The following ZNF385D variants were observed in gnomAD, a reference collection of about 807,000 sequenced individuals.
ZNF385D encodes the protein zinc finger protein 385D.
Under a neutral mutation model 35.8 loss-of-function variants are expected in ZNF385D, and 15 were observed. The observed-to-expected ratio is 0.42, with a 90% confidence interval of 0.28 to 0.64. The LOEUF is 0.64. ZNF385D is among the 30% of genes least tolerant of loss of function. ZNF385D has a pLI of 0.23. For missense variants in ZNF385D, 474 were observed against 494.6 expected, an observed-to-expected ratio of 0.96 and a Z score of 0.39; for synonymous variants, 212 against 186.8, an observed-to-expected ratio of 1.13 and a Z score of -1.10.
intron 2 of ZNF385D, among the ~76,000 whole-genome samples, chr3:22,231,163 A>C (rs1422785320): frequency 2.6e-5 from 4 of 152,184 alleles, no homozygotes; most frequent in Non-Finnish European, 5.9e-5. Flanking sequence ...GAAATAGCCA[A>C]AAAGTGCAAT....
At chr3:21,830,255 C>T (rs1344294035) in intron 3 of ZNF385D, among the ~76,000 whole-genome samples, 2 of 152,304 alleles carry the variant, frequency 1.3e-5, no homozygotes, top group East Asian at 3.9e-4. Context: ...GTATTACTGG[C>T]ATGAGTATTT....
chr3:22,029,101 A>G (rs913129669), intron 3 of ZNF385D, among the ~76,000 whole-genome samples: 4 of 152,094 alleles, frequency 2.6e-5, no homozygotes, highest in African/African-American at 9.7e-5. Context: ...TTCCAGAGGG[A>G]GGAACGCTGC....
chr3:21,617,953 C>A (rs1575330587), intron 2 of ZNF385D, among the ~76,000 whole-genome samples: 1 of 152,040 alleles, frequency 6.6e-6, no homozygotes, highest in South Asian at 2.1e-4. Flanking sequence ...GAATTTAATT[C>A]TGAATTAACA....
chr3:22,322,094 G>A (rs936196484), intron 2 of ZNF385D, among the ~76,000 whole-genome samples: 6 of 152,024 alleles, frequency 3.9e-5, no homozygotes, highest in Admixed American at 3.9e-4. Flanking sequence ...ACTCTGATTA[G>A]TGATATATAC....
intron 2 of ZNF385D, among the ~76,000 whole-genome samples, chr3:22,329,965 C>T (rs548634663): frequency 1.3e-5 from 2 of 152,240 alleles, no homozygotes; most frequent in South Asian, 2.1e-4. Flanking sequence ...TGATTAGTAG[C>T]TGTCATAATA....
At chr3:21,489,689 C>A (rs953701681) in intron 4 of ZNF385D, among the ~76,000 whole-genome samples, 7 of 152,078 alleles carry the variant, frequency 4.6e-5, no homozygotes, top group Admixed American at 2.0e-4. Flanking sequence ...GTTTTTCCAG[C>A]TAGAGGCATT....
intron 3 of ZNF385D, among the ~76,000 whole-genome samples, chr3:21,810,128 C>A (rs1303180396): frequency 6.6e-6 from 1 of 151,880 alleles, no homozygotes; most frequent in African/African-American, 2.4e-5. Context: ...TGAAAACTGA[C>A]ACACAAATAA....
intron 3 of ZNF385D, among the ~76,000 whole-genome samples, chr3:22,070,355 G>A (rs1267201854): frequency 6.6e-6 from 1 of 152,112 alleles, no homozygotes; most frequent in Non-Finnish European, 1.5e-5. Context: ...AGAAACGGAT[G>A]CCTATGAAGT....
chr3:22,223,988 A>G (rs1698409456), intron 2 of ZNF385D, among the ~76,000 whole-genome samples: 1 of 152,142 alleles, frequency 6.6e-6, no homozygotes, highest in African/African-American at 2.4e-5. Flanking sequence ...TGCCTGGTTC[A>G]TAGAATAACT....
At chr3:21,517,637 C>A (rs13317601) in intron 3 of ZNF385D, among the ~76,000 whole-genome samples, 96,386 of 151,970 alleles carry the variant, frequency 0.63, 30,630 homozygotes, top group African/African-American at 0.7. Context: ...AGAGTTAATA[C>A]AACTAGGCTG....
intron 2 of ZNF385D, among the ~76,000 whole-genome samples, chr3:22,326,408 G>A (rs536566761): frequency 6.6e-6 from 1 of 152,302 alleles, no homozygotes; most frequent in South Asian, 2.1e-4. Context: ...GTGTGAGCCA[G>A]GGGTCTAGCC....
At chr3:21,878,107 C>T (rs1276051340) in intron 3 of ZNF385D, 4 of 151,976 alleles carry the variant, frequency 2.6e-5, no homozygotes, top group African/African-American at 9.7e-5. Context: ...GAACTGATGA[C>T]ATCTTAGGTT....
intron 3 of ZNF385D, among the ~76,000 whole-genome samples, chr3:21,927,239 G>A (rs1053144514): frequency 2.6e-5 from 4 of 151,904 alleles, no homozygotes; most frequent in Non-Finnish European, 5.9e-5. Flanking sequence ...CATGCTTCTT[G>A]TATAGCTTGC....
intron 3 of ZNF385D, among the ~76,000 whole-genome samples, chr3:22,024,483 C>T (rs898934688): frequency 6.6e-6 from 1 of 151,734 alleles, no homozygotes; most frequent in Admixed American, 6.6e-5. Flanking sequence ...TGATTAGACT[C>T]AAAAATGCTA....
chr3:21,581,624 T>C (rs893789234), intron 2 of ZNF385D, among the ~76,000 whole-genome samples: 1 of 152,188 alleles, frequency 6.6e-6, no homozygotes, highest in Non-Finnish European at 1.5e-5. Flanking sequence ...TGGTCCAAGA[T>C]ATAATTCTTG....
chr3:21,705,162 A>G (rs1448708666), intron 1 of ZNF385D, among the ~76,000 whole-genome samples: 1 of 152,242 alleles, frequency 6.6e-6, no homozygotes, highest in Non-Finnish European at 1.5e-5. Context: ...TTAAATTATT[A>G]TAAAATATTG....
chr3:21,602,272 A>G (rs940824638), intron 2 of ZNF385D, among the ~76,000 whole-genome samples: 1 of 152,060 alleles, frequency 6.6e-6, no homozygotes, highest in Non-Finnish European at 1.5e-5. Flanking sequence ...TCAAGGTGAG[A>G]TTTGGGTGGG....
At chr3:21,515,709 C>CTCA (rs1487575956) in intron 3 of ZNF385D, among the ~76,000 whole-genome samples, 3 of 152,204 alleles carry the variant, frequency 2.0e-5, no homozygotes, top group African/African-American at 7.2e-5. Context: ...TATAGTTTAA[C>CTCA]ATTGAGGCAA....
intron 3 of ZNF385D, among the ~76,000 whole-genome samples, chr3:22,137,127 G>A (rs1241959354): frequency 1.3e-5 from 2 of 152,134 alleles, no homozygotes; most frequent in African/African-American, 4.8e-5. Flanking sequence ...GGGAGCTGCG[G>A]TATATAAGAT....
Sources: gnomAD v4.1 joint callset for allele counts (sites outside exome capture counted in the v4.1 genomes callset) on GRCh38, gnomAD v4.1.1 for gene constraint, MANE v1.5 for transcripts, NCBI Gene and HGNC (gene_info 2026-07-23, HGNC 2026-07-21) for gene names.